C10orf71: variants seen among roughly 807,000 people sequenced by gnomAD.
C10orf71 encodes the protein cardiac-enriched FHL2-interacting protein.
For missense variants in C10orf71, 1,869 were observed against 1,804.5 expected (o/e 1.04, Z -0.65); for synonymous variants, 758 against 726.3 (o/e 1.04, Z -0.70).
At position 49,324,064 on chromosome 10, in the gene C10orf71, C is replaced by A. The variant is rs554031001; in HGVS notation, c.1519C>A (p.Arg507=). ...CCTGCTGTTCAACCTCAAGGACGTG[C>A]GGAAGCGTGTTAAGAGCACATACAG... ...PSLLFNLKDV[R]KRVKSTYSSS... Residue 507 remains arginine, a synonymous_variant, in exon 3 of 3, where the codon CGG becomes AGG. Transcript: ENST00000374144. 3 of 1,613,836 alleles carry A rather than the reference C, an allele frequency of 1.9e-6. No individual in the cohort carries two copies. In the African/African-American group the frequency reaches 4.0e-5, roughly 22 times the overall value.
At chr10:49,307,996 G>A (rs538687330) in intron 1 of C10orf71, among the ~76,000 whole-genome samples, 51 of 152,324 alleles carry the variant, frequency 3.3e-4, no homozygotes, top group African/African-American at 1.1e-3. Flanking sequence ...GGTCTGAGCA[G>A]CACTTGGAAG....
At chr10:49,316,691 C>A (rs1849004551) in intron 2 of C10orf71, among the ~76,000 whole-genome samples, 1 of 152,138 alleles carries the variant, frequency 6.6e-6, no homozygotes, top group African/African-American at 2.4e-5. Context: ...CCAGGCATGT[C>A]CCAGAGCGTA....
At chr10:49,308,765 A>T (rs923035409) in intron 1 of C10orf71, among the ~76,000 whole-genome samples, 1 of 152,210 alleles carries the variant, frequency 6.6e-6, no homozygotes, top group Non-Finnish European at 1.5e-5. Flanking sequence ...TCAATACATA[A>T]ATAAGCTTAA....
intron 2 of C10orf71, among the ~76,000 whole-genome samples, chr10:49,318,328 G>A (rs575040387): frequency 2.3e-4 from 35 of 152,354 alleles, no homozygotes; most frequent in African/African-American, 6.3e-4. Flanking sequence ...TGGGGAAGGC[G>A]TGGGCTTAGC....
At chr10:49,320,602 T>C (rs1441369768) in intron 2 of C10orf71, among the ~76,000 whole-genome samples, 1 of 152,202 alleles carries the variant, frequency 6.6e-6, no homozygotes, top group Non-Finnish European at 1.5e-5. Flanking sequence ...GTGAGAGAGA[T>C]GAGCAAGGAG....
In C10orf71 at chr10:49,324,509, A is replaced by G; in HGVS notation, c.1964A>G (p.Glu655Gly). The G allele has an allele frequency of 6.2e-7, 1 of 1,612,170 alleles. No homozygotes were observed. Among genetic ancestry groups the G allele is most frequent in the Non-Finnish European group, 8.5e-7 (1 of 1,179,014 alleles). ...LSLRLCNRDP[E>G]PGGATEKMKT... ...CTGAGGCTTTGCAATAGGGATCCTG[A>G]GCCTGGAGGGGCTACAGAGAAAATG... Residue 655 changes from glutamate (E) to glycine (G), a missense_variant, in exon 3 of 3, where the codon GAG (glutamate) becomes GGG (glycine). Transcript: ENST00000374144.
At chr10:49,310,077 A>C (rs1377671058) in intron 1 of C10orf71, among the ~76,000 whole-genome samples, 1 of 152,210 alleles carries the variant, frequency 6.6e-6, no homozygotes, top group Non-Finnish European at 1.5e-5. Context: ...AGGGATGAGG[A>C]GGAAAATGGA....
At position 49,322,520 on chromosome 10, in the gene C10orf71, A is replaced by G; in HGVS notation, c.-26A>G. On this transcript the variant is annotated 5_prime_UTR_variant, in exon 3 of 3. Coordinates refer to ENST00000374144, the MANE Select transcript of C10orf71 (RefSeq NM_001135196.2). ...TCACCAGAGACACCTGCCGGCTGAC[A>G]AGGACAGCTTTCTTGGAGCCAACAG... is the stretch of plus-strand genomic sequence containing the variant. The G allele has an allele frequency of 6.4e-7, 1 of 1,573,084 alleles. No homozygotes were observed. The highest frequency in any genetic ancestry group is 8.6e-7 in the Non-Finnish European group (1 of 1,156,282).
chr10:49,301,428 G>A (rs1043228712), intron 1 of C10orf71, among the ~76,000 whole-genome samples: 21 of 152,228 alleles, frequency 1.4e-4, no homozygotes, highest in Non-Finnish European at 2.5e-4. Context: ...TCCAAGGGTT[G>A]CATGGCATGA....
At chr10:49,314,750 G>C (rs1054495318) in intron 1 of C10orf71, among the ~76,000 whole-genome samples, 2 of 152,182 alleles carry the variant, frequency 1.3e-5, no homozygotes, top group African/African-American at 2.4e-5. Context: ...ATGCAAATGG[G>C]CTGATCTGAA....
chr10:49,308,398 C>G (rs1848853627), intron 1 of C10orf71, among the ~76,000 whole-genome samples: 1 of 152,172 alleles, frequency 6.6e-6, no homozygotes, highest in Non-Finnish European at 1.5e-5. Context: ...AGTTTGAGAG[C>G]CTTTGGCTTT....
At position 49,324,783 on chromosome 10, in the gene C10orf71, G is replaced by A; in HGVS notation, c.2238G>A (p.Met746Ile). Residue 746 changes from methionine (M) to isoleucine (I), a missense_variant, in exon 3 of 3, where the codon ATG becomes ATA. By Grantham distance (10) the Met-to-Ile change is conservative. Transcript: ENST00000374144. ...CCTCATTTGATGATCAGCAGAAGAT[G>A]TGGTTTACTGAGAACCAGCGGGAAG... ...SFASFDDQQK[M>I]WFTENQREDR... The A allele has an allele frequency of 6.4e-7, 1 of 1,552,762 alleles. No homozygotes were observed. Among genetic ancestry groups the A allele is most frequent in the South Asian group, 1.2e-5 (1 of 84,190 alleles).
chr10:49,297,722 T>C (rs1263156716), upstream of C10orf71, among the ~76,000 whole-genome samples: 1 of 152,248 alleles, frequency 6.6e-6, no homozygotes, highest in African/African-American at 2.4e-5. Flanking sequence ...CAGGAAATAA[T>C]GGAGCCAGGG....
Position 49,325,144 on chromosome 10 carries a change from G to A in C10orf71, c.2599G>A (p.Val867Ile), listed in dbSNP as rs373861853. ...IKDNTLRATPVIKPIMLPLLR... is the reference protein window; with the variant it reads ...IKDNTLRATPIIKPIMLPLLR... ...AGACAACACCCTCAGAGCTACCCCCGTAATTAAACCTATCATGCTGCCTCT... is the reference window on the plus strand; with the variant it reads ...AGACAACACCCTCAGAGCTACCCCCATAATTAAACCTATCATGCTGCCTCT... The change falls in exon 3 of 3, where the codon GTA (valine) becomes ATA (isoleucine). Residue 867 changes from valine to isoleucine, a missense_variant. Physicochemically the swap from Val to Ile is conservative, Grantham distance 29. Coordinates refer to ENST00000374144, the MANE Select transcript of C10orf71 (RefSeq NM_001135196.2). The A allele has an allele frequency of 3.2e-5, 50 of 1,551,938 alleles. 1 individual carries two copies. The highest frequency in any genetic ancestry group is 1.7e-4 in the Middle Eastern group (1 of 6,018).
At chr10:49,318,649 G>A (rs751919731) in intron 2 of C10orf71, among the ~76,000 whole-genome samples, 29 of 152,264 alleles carry the variant, frequency 1.9e-4, no homozygotes, top group Non-Finnish European at 2.5e-4. Context: ...GTCAAGGGAC[G>A]GAAACAACAG....
At position 49,322,824 on chromosome 10, in the gene C10orf71, G is replaced by C; in HGVS notation, c.279G>C (p.Ser93=). Residue 93 remains serine, a synonymous_variant, in exon 3 of 3, where the codon TCG becomes TCC. Coordinates refer to ENST00000374144, the MANE Select transcript of C10orf71 (RefSeq NM_001135196.2). ...SQLPSQGTEH[S]GWAATFQQLP... is the part of the protein sequence containing the mutation. ...TACCGTCACAGGGCACGGAACATTC[G>C]GGCTGGGCGGCCACCTTCCAACAGC... The C allele has an allele frequency of 6.2e-7, 1 of 1,613,902 alleles. No homozygotes were observed. Among genetic ancestry groups the C allele is most frequent in the Non-Finnish European group, 8.5e-7 (1 of 1,179,868 alleles).
Position 49,324,683 on chromosome 10 carries a change from A to T in C10orf71, c.2138A>T (p.Asp713Val). The change falls in exon 3 of 3, where the codon GAC (aspartate) becomes GTC (valine). Residue 713 changes from aspartate to valine, a missense_variant. Coordinates refer to ENST00000374144, the MANE Select transcript of C10orf71 (RefSeq NM_001135196.2). ...SPEEEDVFYS[D>V]SQSDFMPSLK... is the part of the protein sequence containing the mutation. ...GAGGAGGAAGATGTGTTTTACAGTG[A>T]CAGCCAATCCGATTTTATGCCAAGC... 2 of 1,610,556 alleles carry T rather than the reference A, an allele frequency of 1.2e-6. No individual in the cohort carries two copies. Among genetic ancestry groups the T allele is most frequent in the Non-Finnish European group, 1.7e-6 (2 of 1,178,370 alleles).
chr10:49,312,115 C>A (rs1457532368), intron 1 of C10orf71, among the ~76,000 whole-genome samples: 2 of 152,156 alleles, frequency 1.3e-5, no homozygotes, highest in African/African-American at 4.8e-5. Context: ...TAGTCTGATT[C>A]AAAAAGATGA....
At position 49,308,377 on chromosome 10, in the gene C10orf71, G is replaced by A. The variant is rs182552194; in HGVS notation, c.-247-7768G>A. On this transcript the variant is annotated intron_variant, in intron 1 of 2. Transcript: ENST00000374144. ...ACTTGTTCTCTCCCAGGGCACAGTGGCCTCAGAGTCAGTTTGAGAGCCTTT... is the reference window on the plus strand; with the variant it reads ...ACTTGTTCTCTCCCAGGGCACAGTGACCTCAGAGTCAGTTTGAGAGCCTTT... Among the ~76,000 whole-genome samples the A allele has an allele frequency of 3.9e-5, 6 of 152,332 alleles. No homozygotes were observed. In the South Asian group the frequency reaches 1.0e-3, roughly 26 times the overall value.
Sources: gnomAD v4.1 joint callset for allele counts (sites outside exome capture counted in the v4.1 genomes callset) on GRCh38, gnomAD v4.1.1 for gene constraint, MANE v1.5 for transcripts, NCBI Gene and HGNC (gene_info 2026-07-23, HGNC 2026-07-21) for gene names.